SF3A2: variants seen among roughly 807,000 people sequenced by gnomAD.
The protein encoded by SF3A2 is splicing factor 3a subunit 2, also known as SAP 62.
Under a neutral mutation model 31.1 loss-of-function variants are expected in SF3A2, and 5 were observed. The observed-to-expected ratio is 0.16, with a 90% CI of 0.08 to 0.34. The LOEUF (loss-of-function observed/expected upper bound fraction) is 0.34, where lower values mean the gene tolerates loss of function less well. SF3A2 is among the 10% of genes least tolerant of loss of function. The pLI is 1.00. For missense variants in SF3A2, 577 were observed against 643.9 expected (o/e 0.90, Z 1.13); for synonymous variants, 365 against 263.7 (o/e 1.38, Z -3.72).
At chr19:2,247,442 T>G (rs560806701) in intron 7 of SF3A2, 152 bp from the exon 8 acceptor site, 9 of 709,612 alleles carry the variant, frequency 1.3e-5, no homozygotes, top group Admixed American at 2.5e-5. Flanking sequence ...ACTCCAGAAC[T>G]GAACCCTGTG....
intron 1 of SF3A2, among the ~76,000 whole-genome samples, chr19:2,238,838 C>G (rs1007668936): frequency 2.0e-5 from 3 of 152,196 alleles, no homozygotes; most frequent in Non-Finnish European, 2.9e-5. Context: ...GTGCTCTGAC[C>G]TGGAAGTGGA....
At chr19:2,239,551 C>T (rs182697100) in intron 1 of SF3A2, among the ~76,000 whole-genome samples, 8 of 152,154 alleles carry the variant, frequency 5.3e-5, no homozygotes, top group African/African-American at 1.2e-4. Flanking sequence ...CCTCATTTAC[C>T]GGGGATCTTT....
At chr19:2,237,988 C>T (rs2024850878) in intron 1 of SF3A2, 1 of 152,272 alleles carries the variant, frequency 6.6e-6, no homozygotes, top group Non-Finnish European at 1.5e-5. Flanking sequence ...CACTTTTCCT[C>T]AATTCTTAAG....
At position 2,245,493 on chromosome 19, in the gene SF3A2, C is replaced by T. The variant is rs1267599860; in HGVS notation, c.293C>T (p.Ala98Val). The T allele has an allele frequency of 5.8e-6, 9 of 1,551,154 alleles. No individual in the cohort carries two copies. In the East Asian group the frequency reaches 9.8e-5, roughly 17 times the overall value. Reference protein sequence around the residue: ...KEAKEAPAQPAPEKVKVEVKK... With the variant: ...KEAKEAPAQPVPEKVKVEVKK... ...GCCAAGGAGGCCCCTGCCCAGCCCG[C>T]GCCTGAGAAGGTCAAGGTGGAGGTG... The change falls in exon 5 of 9, where the codon GCG (alanine) becomes GTG (valine). Residue 98 changes from alanine (A) to valine (V), a missense_variant. By Grantham distance (64) the Ala-to-Val change is moderately conservative. Around this residue, in one of 6 missense-constraint regions of SF3A2, gnomAD observed 17 missense variants for 113.8 expected, o/e 0.15. Transcript: ENST00000221494. This position sits in a 1 kb window ranked among gnomAD's most constrained non-coding sequence, Gnocchi z 4.2.
chr19:2,237,312 C>G (rs962430664), intron 1 of SF3A2: 1 of 150,282 alleles, frequency 6.7e-6, no homozygotes, highest in Non-Finnish European at 1.5e-5. Flanking sequence ...CCCAGCTACT[C>G]GAGAGGATCG....
Position 2,245,624 on chromosome 19 carries a change from T to G in SF3A2, c.355+69T>G, listed in dbSNP as rs1383473542. 1.7e-6 allele frequency: 2 copies of G among 1,157,396 alleles called. No individual in the cohort carries two copies. Among genetic ancestry groups the G allele is most frequent in the African/African-American group, 3.0e-5 (2 of 65,634 alleles). The allele number at this position is 1,157,396 out of a possible 1,614,324, so 71.7% of individuals were successfully genotyped here. The stretch of plus-strand genomic sequence containing the variant: ...CATAAGTGTGTTCTTTAGTCTCCAG[T>G]GCGGGAGGTGCAGCCCTGATAGCCT... On this transcript the variant is annotated intron_variant, in intron 5 of 8. Transcript: ENST00000221494. The surrounding 1 kb of genome is among the most constrained non-coding windows in gnomAD (Gnocchi z 4.2).
Position 2,248,275 on chromosome 19 carries a change from A to G in SF3A2, c.1124A>G (p.Gln375Arg). The stretch of plus-strand genomic sequence containing the variant: ...CCCCCATCAGCGGGGGTTCACCCCC[A>G]GGCCCCGGGGGTGCACCCAGCAGCC... Reference protein sequence around the residue: ...HPPPSAGVHPQAPGVHPAAPA... With the variant: ...HPPPSAGVHPRAPGVHPAAPA... Residue 375 changes from glutamine (Q) to arginine (R), a missense_variant, in exon 9 of 9, where the codon CAG becomes CGG. Transcript: ENST00000221494. 1.8e-6 allele frequency: 2 copies of G among 1,119,844 alleles called. No homozygotes were observed. The highest frequency in any genetic ancestry group is 1.1e-6 in the Non-Finnish European group (1 of 917,018). The allele number at this position is 1,119,844 out of a possible 1,614,324, so 69.4% of individuals were successfully genotyped here. A position where few individuals can be genotyped will look rare whatever the true frequency, so the allele number is the denominator to read the frequency against.
At chr19:2,239,373 AAAG>A (rs1225964672) in intron 1 of SF3A2, among the ~76,000 whole-genome samples, 10 of 149,654 alleles carry the variant, frequency 6.7e-5, no homozygotes, top group African/African-American at 1.8e-4. Flanking sequence ...AAAAAAAAAA[AAAG>A]AGAGAGAAAA....
chr19:2,245,684 C>T lies in SF3A2; in HGVS notation c.355+129C>T, dbSNP rs182176977. ...GCCACTGTTTTCCGGCCTTGGTGGC[C>T]GTCCCTCACCCACCTGCAGCCTCTG... On this transcript the variant is annotated intron_variant, in intron 5 of 8. Transcript: ENST00000221494. The surrounding 1 kb of genome is among the most constrained non-coding windows in gnomAD (Gnocchi z 4.2). The T allele has an allele frequency of 3.4e-4, 240 of 705,904 alleles. 2 individuals carry two copies. In the East Asian group the frequency reaches 5.8e-3, roughly 17 times the overall value. 43.7% of individuals were successfully genotyped at this position (705,904 alleles called of 1,614,324 possible).
chr19:2,238,463 A>C (rs2024858537), intron 1 of SF3A2, among the ~76,000 whole-genome samples: 1 of 151,694 alleles, frequency 6.6e-6, no homozygotes, highest in Non-Finnish European at 1.5e-5. Context: ...ACGGCTGTTG[A>C]GATCTTCTCC....
At chr19:2,237,575 C>G (rs1028750667) in intron 1 of SF3A2, 3 of 152,158 alleles carry the variant, frequency 2.0e-5, no homozygotes, top group Non-Finnish European at 4.4e-5. Flanking sequence ...AGAGCAAGAC[C>G]CTGTTTGACA....
intron 7 of SF3A2, 148 bp from the exon 8 acceptor site, chr19:2,247,445 AC>A (rs749829486): frequency 1.4e-6 from 1 of 721,392 alleles, no homozygotes; most frequent in Non-Finnish European, 2.4e-6. Flanking sequence ...CCAGAACTGA[AC>A]CCTGTGCCCC....
intron 1 of SF3A2, among the ~76,000 whole-genome samples, chr19:2,239,171 C>T (rs1379623818): frequency 6.6e-6 from 1 of 152,126 alleles, no homozygotes; most frequent in Non-Finnish European, 1.5e-5. Flanking sequence ...TTGAGACCAG[C>T]CTCGCCAACC....
intron 1 of SF3A2, chr19:2,237,458 C>T (rs1412341359): frequency 6.6e-6 from 1 of 150,774 alleles, no homozygotes; most frequent in Admixed American, 6.6e-5. Flanking sequence ...TGACGCGCGC[C>T]TGTAGTCCCA....
At chr19:2,241,257 T>C (rs1022536314) in intron 1 of SF3A2, among the ~76,000 whole-genome samples, 31 of 152,162 alleles carry the variant, frequency 2.0e-4, no homozygotes, top group African/African-American at 6.3e-4. Context: ...CCTGGGTTCT[T>C]GGAGTGCATC....
chr19:2,244,721 T>C lies in SF3A2; in HGVS notation c.199-12T>C. 6.2e-7 allele frequency: 1 copy of C among 1,613,996 alleles called. No individual in the cohort carries two copies. The highest frequency in any genetic ancestry group is 8.5e-7 in the Non-Finnish European group (1 of 1,179,950). ...CCGGCCTCGAGTCATGCGTGTTTCC[T>C]TTCCACTCCAGGGGAGCTACCTGGC... is the stretch of plus-strand genomic sequence containing the variant. On this transcript the variant is annotated splice_polypyrimidine_tract_variant and intron_variant, in intron 3 of 8. Coordinates refer to ENST00000221494, the MANE Select transcript of SF3A2 (RefSeq NM_007165.5).
chr19:2,242,750 G>C (rs931652350), intron 1 of SF3A2, among the ~76,000 whole-genome samples: 3 of 152,176 alleles, frequency 2.0e-5, no homozygotes, highest in Admixed American at 1.3e-4. Flanking sequence ...AAAGGGCGTG[G>C]GAGACCTTGG....
Position 2,244,466 on chromosome 19 carries a change from G to C in SF3A2, c.127-78G>C, listed in dbSNP as rs1243393929. On this transcript the variant is annotated intron_variant, in intron 2 of 8. Transcript: ENST00000221494. Reference sequence around the variant, plus strand: ...TTCTGCCTCCATGCCTCTACAGAAAGGGGATCCCGCCTCTGAGGGCCTTGA... The same window carrying C: ...TTCTGCCTCCATGCCTCTACAGAAACGGGATCCCGCCTCTGAGGGCCTTGA... 5 of 1,150,166 alleles carry C rather than the reference G, an allele frequency of 4.3e-6. No individual in the cohort carries two copies. In the East Asian group the frequency reaches 1.3e-4, roughly 29 times the overall value. The allele number at this position is 1,150,166 out of a possible 1,614,324, so 71.2% of individuals were successfully genotyped here.
intron 1 of SF3A2, among the ~76,000 whole-genome samples, chr19:2,238,235 G>A (rs1211340860): frequency 6.6e-6 from 1 of 152,134 alleles, no homozygotes; most frequent in Admixed American, 6.5e-5. Context: ...TGTTGCCCAG[G>A]CTGGTCTCGA....
Sources: allele counts gnomAD v4.1 joint callset (sites outside exome capture counted in the v4.1 genomes callset), GRCh38; gene constraint gnomAD v4.1.1; regional missense constraint gnomAD v4.1.1; non-coding constraint Gnocchi (gnomAD v3.1); transcripts MANE v1.5; gene names NCBI Gene and HGNC (gene_info 2026-07-23, HGNC 2026-07-21).